The following ADAT2 variants were observed in gnomAD, a reference collection of about 807,000 sequenced individuals.
ADAT2 encodes tRNA-specific adenosine-34 deaminase catalytic subunit ADAT2.
ADAT2 carries 26 observed loss-of-function variants against 25.9 expected under a neutral mutation model. That is an observed-to-expected ratio of 1.00 (90% confidence interval 0.74 to 1.39). The LOEUF (loss-of-function observed/expected upper bound fraction) is 1.39, where lower values mean the gene tolerates loss of function less well. Ranked by LOEUF, ADAT2 falls within the 40% of genes most tolerant of loss-of-function variation. ADAT2 has a pLI of 0.00. For missense variants in ADAT2, 220 were observed against 244.8 expected, an observed-to-expected ratio of 0.90 and a Z score of 0.68; for synonymous variants, 76 against 86.8, an observed-to-expected ratio of 0.88 and a Z score of 0.69.
Position 143,436,155 on chromosome 6 carries a change from T to C in ADAT2, c.202-2174A>G, listed in dbSNP as rs1483204806. 1 of 154,382 alleles carries C rather than the reference T, an allele frequency of 6.5e-6. No homozygotes were observed. Among genetic ancestry groups the C allele is most frequent in the East Asian group, 1.9e-4 (1 of 5,338 alleles). The allele number at this position is 154,382 out of a possible 1,614,324, so 9.6% of individuals were successfully genotyped here. A position where few individuals can be genotyped will look rare whatever the true frequency, so the allele number is the denominator to read the frequency against. The stretch of plus-strand genomic sequence containing the variant: ...CATAGAGAAATGAGATAGAACTGCT[T>C]CTACTTTCTGTATTTGAAATTTTAA... On this transcript the variant is annotated intron_variant, in intron 2 of 5. Transcript: ENST00000237283. The surrounding 1 kb of genome is among the most constrained non-coding windows in gnomAD (Gnocchi z 4.1).
chr6:143,433,424 C>A (rs1394337297), intron 3 of ADAT2, among the ~76,000 whole-genome samples: 2 of 151,952 alleles, frequency 1.3e-5, no homozygotes, highest in Non-Finnish European at 2.9e-5. Context: ...GTATTCATGG[C>A]AAACAAACCA....
intron 2 of ADAT2, among the ~76,000 whole-genome samples, chr6:143,438,326 C>A (rs956398069): frequency 6.6e-6 from 1 of 152,044 alleles, no homozygotes; most frequent in African/African-American, 2.4e-5. Flanking sequence ...TAGAGTAAAA[C>A]TCTATGAAAC....
At chr6:143,443,059 T>C (rs1235088187) in intron 1 of ADAT2, among the ~76,000 whole-genome samples, 1 of 152,194 alleles carries the variant, frequency 6.6e-6, no homozygotes, top group African/African-American at 2.4e-5. Flanking sequence ...CCAGGACTAA[T>C]TTAAGCATTT....
Position 143,423,579 on chromosome 6 carries a change from G to A in ADAT2, c.*4884C>T, listed in dbSNP as rs1336107717. On this transcript the variant is annotated 3_prime_UTR_variant, in exon 6 of 6. Transcript: ENST00000237283. ...AGTGATAGGTTTTAAAACTATCGCA[G>A]GTTTTAAAACTATCCCAACAAGAGG... 6.6e-6 allele frequency: 1 copy of A among 152,108 alleles called. No individual in the cohort carries two copies. The highest frequency in any genetic ancestry group is 2.4e-5 in the African/African-American group (1 of 41,404). The allele number at this position is 152,108 out of a possible 1,614,324, so 9.4% of individuals were successfully genotyped here. A position where few individuals can be genotyped will look rare whatever the true frequency, so the allele number is the denominator to read the frequency against.
Position 143,436,723 on chromosome 6 carries a change from C to T in ADAT2, c.201+1867G>A. 4.9e-6 allele frequency: 1 copy of T among 203,630 alleles called. No individual in the cohort carries two copies. The highest frequency in any genetic ancestry group is 1.0e-5 in the Non-Finnish European group (1 of 98,866). 12.6% of individuals were successfully genotyped at this position (203,630 alleles called of 1,614,324 possible). On this transcript the variant is annotated intron_variant, in intron 2 of 5. Transcript: ENST00000237283. The surrounding 1 kb of genome is among the most constrained non-coding windows in gnomAD (Gnocchi z 4.1). Reference sequence around the variant, plus strand: ...AATGGGGGCGTAGAGCCTTCTGTTACTGGGTTAAGGGCGGGGGTGGTATGA... The same window carrying T: ...AATGGGGGCGTAGAGCCTTCTGTTATTGGGTTAAGGGCGGGGGTGGTATGA...
At position 143,430,168 on chromosome 6, in the gene ADAT2, G is replaced by A. The variant is rs546761694; in HGVS notation, c.460-1484C>T. 5.3e-5 allele frequency among the ~76,000 whole-genome samples: 8 copies of A among 152,260 alleles called. No individual in the cohort carries two copies. In the East Asian group the frequency reaches 1.2e-3, roughly 22 times the overall value. On this transcript the variant is annotated intron_variant, in intron 4 of 5. Coordinates refer to ENST00000237283, the MANE Select transcript of ADAT2 (RefSeq NM_182503.3). ...ATCCTAACCACTGCCAGCCAGTCCC[G>A]TCACAGCTGCCCCCTGCTTCCTGCT... is the stretch of plus-strand genomic sequence containing the variant.
rs898840374 is a variant in ADAT2, at chr6:143,446,015, A to G, written c.96+4548T>C. Among the ~76,000 whole-genome samples, 2 of 151,140 alleles carry G rather than the reference A, an allele frequency of 1.3e-5. No homozygotes were observed. The highest frequency in any genetic ancestry group is 3.0e-5 in the Non-Finnish European group (2 of 67,732). On this transcript the variant is annotated intron_variant, in intron 1 of 5. Transcript: ENST00000237283. This position sits in a 1 kb window ranked among gnomAD's most constrained non-coding sequence, Gnocchi z 5.0. ...GTTAGTCAATCTTTCTTTTTTCCTA[A>G]TTATAAAGTAAGATGTGTTCAAGGT...
In ADAT2 at chr6:143,432,668, A is replaced by G. The variant is rs1231618288; in HGVS notation, c.353-57T>C. The G allele has an allele frequency of 6.5e-7, 1 of 1,547,046 alleles. No individual in the cohort carries two copies. Among genetic ancestry groups the G allele is most frequent in the African/African-American group, 1.4e-5 (1 of 73,366 alleles). ...TACATTTCAAGTATGTATCGTGACAAAATCAGAGTAGGTTTATACCAGCCA... is the reference window on the plus strand; with the variant it reads ...TACATTTCAAGTATGTATCGTGACAGAATCAGAGTAGGTTTATACCAGCCA... On this transcript the variant is annotated intron_variant, in intron 3 of 5. Coordinates refer to ENST00000237283, the MANE Select transcript of ADAT2 (RefSeq NM_182503.3). The surrounding 1 kb of genome is among the most constrained non-coding windows in gnomAD (Gnocchi z 4.4).
Position 143,426,227 on chromosome 6 carries a change from T to A in ADAT2, c.*2236A>T, listed in dbSNP as rs1778930068. The A allele has an allele frequency of 6.6e-6, 1 of 152,202 alleles. No homozygotes were observed. Among genetic ancestry groups the A allele is most frequent in the African/African-American group, 2.4e-5 (1 of 41,440 alleles). 9.4% of individuals were successfully genotyped at this position (152,202 alleles called of 1,614,324 possible). On this transcript the variant is annotated 3_prime_UTR_variant, in exon 6 of 6. Transcript: ENST00000237283. The surrounding 1 kb of genome is among the most constrained non-coding windows in gnomAD (Gnocchi z 4.1). ...GCTGTTGAACTAGGACATCTTAATA[T>A]TTTAACCCGTGTCTAAGTAGCTGGG...
rs1238237606 is a variant in ADAT2 at position 143,437,728 on chromosome 6, T to C, written c.201+862A>G. Reference sequence around the variant, plus strand: ...CAATAGATGTGATTGATAGATGAACTAGTTCCCACAGCCCTGGTATCAACA... The same window carrying C: ...CAATAGATGTGATTGATAGATGAACCAGTTCCCACAGCCCTGGTATCAACA... On this transcript the variant is annotated intron_variant, in intron 2 of 5. Coordinates refer to ENST00000237283, the MANE Select transcript of ADAT2 (RefSeq NM_182503.3). The surrounding 1 kb of genome is among the most constrained non-coding windows in gnomAD (Gnocchi z 4.1). 1.3e-5 allele frequency among the ~76,000 whole-genome samples: 2 copies of C among 152,244 alleles called. No homozygotes were observed. Among genetic ancestry groups the C allele is most frequent in the Non-Finnish European group, 2.9e-5 (2 of 68,038 alleles).
In ADAT2 at chr6:143,423,729, A is replaced by G. The variant is rs1778846522; in HGVS notation, c.*4734T>C. 1 of 152,158 alleles carries G rather than the reference A, an allele frequency of 6.6e-6. No homozygotes were observed. Among genetic ancestry groups the G allele is most frequent in the Non-Finnish European group, 1.5e-5 (1 of 68,034 alleles). The allele number at this position is 152,158 out of a possible 1,614,324, so 9.4% of individuals were successfully genotyped here. ...GATATCAAGAGTAGAGTTCTTGCAA[A>G]ATGAACTTAACAGGCTTCTCGTTGA... On this transcript the variant is annotated 3_prime_UTR_variant, in exon 6 of 6. Transcript: ENST00000237283.
In ADAT2 at chr6:143,428,553, T is replaced by C. The variant is rs370562254; in HGVS notation, c.533-47A>G. On this transcript the variant is annotated intron_variant, in intron 5 of 5. Coordinates refer to ENST00000237283, the MANE Select transcript of ADAT2 (RefSeq NM_182503.3). This position sits in a 1 kb window ranked among gnomAD's most constrained non-coding sequence, Gnocchi z 5.0. ...AAAAGAAAATGAAGAGGTAAGCTCA[T>C]AGCAGATTCTCTTTGTATGGATTTA... 123 of 1,612,430 alleles carry C rather than the reference T, an allele frequency of 7.6e-5. 1 individual carries two copies. The African/African-American group carries it at 1.3e-3, about 17-fold the overall frequency.
intron 4 of ADAT2, among the ~76,000 whole-genome samples, chr6:143,431,252 G>A (rs1779108528): frequency 6.6e-6 from 1 of 152,206 alleles, no homozygotes; most frequent in African/African-American, 2.4e-5. Flanking sequence ...CTGCTGCATC[G>A]ACTACAAAGA....
chr6:143,428,474 G>T lies in ADAT2; in HGVS notation c.565C>A (p.Gln189Lys). Residue 189 changes from glutamine to lysine, a missense_variant, in exon 6 of 6, where the codon CAG (glutamine) becomes AAG (lysine). Coordinates refer to ENST00000237283, the MANE Select transcript of ADAT2 (RefSeq NM_182503.3). This position sits in a 1 kb window ranked among gnomAD's most constrained non-coding sequence, Gnocchi z 5.0. ...TCATCAGAACATGTTCAAGATTTCT[G>T]ACATTCCTTTTTCCGAACTTTCGAT... ...PKSKVRKKEC[Q>K]KS 6.2e-7 allele frequency: 1 copy of T among 1,613,754 alleles called. No homozygotes were observed. Among genetic ancestry groups the T allele is most frequent in the South Asian group, 1.1e-5 (1 of 91,056 alleles).
rs1295165421 is a variant in ADAT2 at position 143,437,833 on chromosome 6, T to G, written c.201+757A>C. 6.6e-6 allele frequency among the ~76,000 whole-genome samples: 1 copy of G among 152,198 alleles called. No individual in the cohort carries two copies. The highest frequency in any genetic ancestry group is 1.5e-5 in the Non-Finnish European group (1 of 68,022). On this transcript the variant is annotated intron_variant, in intron 2 of 5. Transcript: ENST00000237283. This position sits in a 1 kb window ranked among gnomAD's most constrained non-coding sequence, Gnocchi z 4.1. The stretch of plus-strand genomic sequence containing the variant: ...TGGCATTACAGGTATAAGTGATCTT[T>G]GAGTCCACCTAGGAATTTTTGTAAT...
chr6:143,433,674 T>C (rs1431437765), intron 3 of ADAT2, among the ~76,000 whole-genome samples, 157 bp downstream of exon 3: 1 of 142,304 alleles, frequency 7.0e-6, no homozygotes, highest in South Asian at 2.1e-4. Flanking sequence ...ATTTTACTAT[T>C]TAAAAAGCTT....
At chr6:143,433,018 C>T (rs1484714081) in intron 3 of ADAT2, among the ~76,000 whole-genome samples, 2 of 152,108 alleles carry the variant, frequency 1.3e-5, no homozygotes, top group East Asian at 3.9e-4. Context: ...ATAACCTGTG[C>T]CCTAATACAA....
intron 1 of ADAT2, among the ~76,000 whole-genome samples, chr6:143,447,682 GAA>G (rs948672936): frequency 7.0e-6 from 1 of 143,404 alleles, no homozygotes; most frequent in Non-Finnish European, 1.5e-5. Flanking sequence ...TTCACTTTGG[GAA>G]AAAAAAAAAG....
Position 143,426,446 on chromosome 6 carries a change from A to G in ADAT2, c.*2017T>C, listed in dbSNP as rs184131755. On this transcript the variant is annotated 3_prime_UTR_variant, in exon 6 of 6. Coordinates refer to ENST00000237283, the MANE Select transcript of ADAT2 (RefSeq NM_182503.3). The surrounding 1 kb of genome is among the most constrained non-coding windows in gnomAD (Gnocchi z 4.1). ...GAGGGAACTGTGCCCCAGTCCAAAC[A>G]TTTAGGACAGATTTTCGATAGGTTA... 1.8e-4 allele frequency: 28 copies of G among 152,298 alleles called. No individual in the cohort carries two copies. The highest frequency in any genetic ancestry group is 6.5e-4 in the African/African-American group (27 of 41,562). 9.4% of individuals were successfully genotyped at this position (152,298 alleles called of 1,614,324 possible).
Sources: allele counts gnomAD v4.1 joint callset (sites outside exome capture counted in the v4.1 genomes callset), GRCh38; gene constraint gnomAD v4.1.1; non-coding constraint Gnocchi (gnomAD v3.1); transcripts MANE v1.5; gene names NCBI Gene and HGNC (gene_info 2026-07-23, HGNC 2026-07-21).